ARHGAP24: variants seen among roughly 807,000 people sequenced by gnomAD.
ARHGAP24 encodes the protein rho GTPase-activating protein 24.
A neutral mutation model predicts 76.4 loss-of-function variants in ARHGAP24; 50 were observed. The observed-to-expected ratio is 0.65, with a 90% confidence interval of 0.52 to 0.83. The LOEUF (loss-of-function observed/expected upper bound fraction) is 0.83. Ranked by LOEUF, ARHGAP24 falls within the 40% of genes least tolerant of loss-of-function variation. The pLI, the probability that ARHGAP24 is intolerant of heterozygous loss-of-function variation, is 0.00. For synonymous variants in ARHGAP24, 345 were observed against 323.3 expected (o/e 1.07, Z -0.72); for missense variants, 930 against 914.2 (o/e 1.02, Z -0.22).
chr4:85,942,920 T>C (rs560305487), intron 5 of ARHGAP24, among the ~76,000 whole-genome samples: 2 of 152,228 alleles, frequency 1.3e-5, no homozygotes, highest in South Asian at 4.1e-4. Context: ...CTTAATATTA[T>C]CAACATTATA....
At chr4:85,585,651 A>G (rs1199056646) in intron 2 of ARHGAP24, among the ~76,000 whole-genome samples, 2 of 152,230 alleles carry the variant, frequency 1.3e-5, no homozygotes, top group Non-Finnish European at 2.9e-5. Flanking sequence ...AATTGAGTAG[A>G]TGGAAGATGT....
At chr4:85,963,794 A>G (rs78894460) in intron 5 of ARHGAP24, among the ~76,000 whole-genome samples, 1 of 152,274 alleles carries the variant, frequency 6.6e-6, no homozygotes, top group East Asian at 1.9e-4. Context: ...TTATGCTTAA[A>G]CAATTGCCCT....
chr4:85,648,202 G>A (rs528854057), intron 2 of ARHGAP24, among the ~76,000 whole-genome samples: 1 of 152,142 alleles, frequency 6.6e-6, no homozygotes, highest in African/African-American at 2.4e-5. Context: ...CAGATCGGAG[G>A]GGGAGCTAGG....
intron 3 of ARHGAP24, among the ~76,000 whole-genome samples, chr4:85,818,530 T>C (rs1162507049): frequency 6.6e-6 from 1 of 152,336 alleles, no homozygotes; most frequent in African/African-American, 2.4e-5. Flanking sequence ...TTGACCACTT[T>C]AGCGTAATTT....
intron 2 of ARHGAP24, among the ~76,000 whole-genome samples, chr4:85,589,913 G>A (rs576811748): frequency 6.6e-6 from 1 of 152,212 alleles, no homozygotes; most frequent in African/African-American, 2.4e-5. Flanking sequence ...ATTTTTCAAA[G>A]CCATTGCTGC....
intron 2 of ARHGAP24, among the ~76,000 whole-genome samples, chr4:85,675,281 G>T (rs1487652926): frequency 6.6e-6 from 1 of 152,188 alleles, no homozygotes; most frequent in Non-Finnish European, 1.5e-5. Context: ...CTTCATGGAA[G>T]TCAGGCAAGA....
At chr4:85,486,349 T>A (rs769963092) in intron 1 of ARHGAP24, among the ~76,000 whole-genome samples, 21 of 152,286 alleles carry the variant, frequency 1.4e-4, no homozygotes, top group South Asian at 2.1e-4. Context: ...AGATACCAAA[T>A]GTCCTGCAAT....
chr4:85,630,963 T>A (rs1322002661), intron 2 of ARHGAP24, among the ~76,000 whole-genome samples: 1 of 152,006 alleles, frequency 6.6e-6, no homozygotes, highest in African/African-American at 2.4e-5. Context: ...ATAGTACTTA[T>A]ACTATTCACT....
intron 3 of ARHGAP24, among the ~76,000 whole-genome samples, chr4:85,736,919 C>G (rs1725628177): frequency 6.6e-6 from 1 of 152,180 alleles, no homozygotes; most frequent in African/African-American, 2.4e-5. Context: ...ATGTGCCTAA[C>G]TTGTCCTAAA....
At position 85,655,848 on chromosome 4, in the gene ARHGAP24, G is replaced by GAGAGAC. The variant is rs1560571885; in HGVS notation, c.181-66033_181-66032insACAGAG. ...AGAGAGAGAGAGAGAGAGAGAGACA[G>GAGAGAC]AGAGGAAGTTTGGTTAGACTGTGCC... On this transcript the variant is annotated intron_variant, in intron 2 of 9. Coordinates refer to ENST00000395184, the MANE Select transcript of ARHGAP24 (RefSeq NM_001025616.3). Among the ~76,000 whole-genome samples, 141 of 67,536 alleles carry GAGAGAC rather than the reference G, an allele frequency of 2.1e-3. 5 individuals carry two copies. The highest frequency in any genetic ancestry group is 7.9e-3 in the African/African-American group (130 of 16,430). 44.3% of individuals were successfully genotyped at this position (67,536 alleles called of 152,430 possible). A position where few individuals can be genotyped will look rare whatever the true frequency, so the allele number is the denominator to read the frequency against.
chr4:85,623,352 G>A (rs1217339959), intron 2 of ARHGAP24, among the ~76,000 whole-genome samples: 2 of 152,148 alleles, frequency 1.3e-5, no homozygotes, highest in African/African-American at 2.4e-5. Context: ...ATTAAGTAGG[G>A]AATCCTTTCC....
At chr4:85,790,281 A>G (rs966681108) in intron 3 of ARHGAP24, among the ~76,000 whole-genome samples, 11 of 152,146 alleles carry the variant, frequency 7.2e-5, no homozygotes, top group Non-Finnish European at 2.9e-5. Context: ...TAGCACACAA[A>G]TCATTCTTTT....
chr4:85,926,155 A>G (rs1056725311), intron 4 of ARHGAP24, among the ~76,000 whole-genome samples: 2 of 152,194 alleles, frequency 1.3e-5, no homozygotes, highest in Non-Finnish European at 2.9e-5. Context: ...GGTGAGCTGT[A>G]TATGTGAATC....
intron 5 of ARHGAP24, among the ~76,000 whole-genome samples, chr4:85,956,877 T>TTAA (rs1737944526): frequency 6.6e-6 from 1 of 152,062 alleles, no homozygotes; most frequent in Non-Finnish European, 1.5e-5. Context: ...GTTGCAAGAT[T>TTAA]TAATAGAGTG....
intron 2 of ARHGAP24, among the ~76,000 whole-genome samples, chr4:85,680,608 T>C (rs1425844136): frequency 6.6e-6 from 1 of 152,080 alleles, no homozygotes; most frequent in African/African-American, 2.4e-5. Context: ...TAATGCTGTC[T>C]TTACATGTCT....
chr4:85,745,335 T>G (rs2110063083), intron 3 of ARHGAP24, among the ~76,000 whole-genome samples: 1 of 147,800 alleles, frequency 6.8e-6, no homozygotes, highest in East Asian at 1.9e-4. Flanking sequence ...TATACATATA[T>G]ACATATATAT....
chr4:85,479,451 G>A (rs1722727823), intron 1 of ARHGAP24, among the ~76,000 whole-genome samples: 1 of 152,204 alleles, frequency 6.6e-6, no homozygotes, highest in Non-Finnish European at 1.5e-5. Context: ...GGATTTGGCT[G>A]TGAAGACTAA....
At chr4:85,540,144 T>C (rs185366623) in intron 1 of ARHGAP24, among the ~76,000 whole-genome samples, 1 of 152,180 alleles carries the variant, frequency 6.6e-6, no homozygotes, top group Admixed American at 6.5e-5. Flanking sequence ...CTCATCACAT[T>C]ATTAAAATTA....
At chr4:85,627,704 G>C (rs1377691868) in intron 2 of ARHGAP24, among the ~76,000 whole-genome samples, 1 of 152,214 alleles carries the variant, frequency 6.6e-6, no homozygotes, top group Non-Finnish European at 1.5e-5. Flanking sequence ...TCCTTGAGCT[G>C]TGGTGGGCTC....
Sources: allele counts gnomAD v4.1 joint callset (sites outside exome capture counted in the v4.1 genomes callset), GRCh38; gene constraint gnomAD v4.1.1; transcripts MANE v1.5; gene names NCBI Gene and HGNC (gene_info 2026-07-23, HGNC 2026-07-21).